Variants in PDK3 observed in about 807,000 individuals in gnomAD.
PDK3 encodes the protein pyruvate dehydrogenase kinase, isozyme 3.
In PDK3, 12 loss-of-function variants were observed where a neutral mutation model predicts 32.0. That is an observed-to-expected ratio of 0.37 (90% CI 0.24 to 0.61). PDK3 has a LOEUF of 0.61. Among genes scored for constraint, PDK3 ranks in the 20% least tolerant of loss-of-function variants. PDK3 has a pLI of 0.65. For missense variants in PDK3, 188 were observed against 316.9 expected, an observed-to-expected ratio of 0.59 and a Z score of 3.09; for synonymous variants, 122 against 116.3, an observed-to-expected ratio of 1.05 and a Z score of -0.31.
chrX:24,490,792 C>T (rs1162347547), intron 1 of PDK3, among the ~76,000 whole-genome samples: 5 of 111,446 alleles, frequency 4.5e-5, no homozygotes, highest in Non-Finnish European at 9.4e-5. Context: ...ACTATGGCCA[C>T]CTCACACCTG....
intron 5 of PDK3, among the ~76,000 whole-genome samples, chrX:24,506,587 T>C (rs916884463): frequency 9.0e-6 from 1 of 111,527 alleles, no homozygotes; most frequent in South Asian, 3.7e-4. Context: ...TAGAACCAAC[T>C]GTAGTGCTTG....
chrX:24,536,970 C>A (rs1331413167), downstream of PDK3, among the ~76,000 whole-genome samples: 1 of 111,381 alleles, frequency 9.0e-6, no homozygotes, highest in African/African-American at 3.3e-5. Flanking sequence ...CTATTTCCAG[C>A]TGGATCCTTA....
intron 1 of PDK3, among the ~76,000 whole-genome samples, chrX:24,481,413 T>G (rs1352374472): frequency 8.9e-6 from 1 of 112,085 alleles, no homozygotes; most frequent in Non-Finnish European, 1.9e-5. Context: ...TTTATATTAG[T>G]AGGCAAGGTT....
At chrX:24,466,431 GCAT>G (rs1602096791) in intron 1 of PDK3, among the ~76,000 whole-genome samples, 1 of 112,144 alleles carries the variant, frequency 8.9e-6, no homozygotes, top group African/African-American at 3.2e-5. Context: ...ATGGAACTCA[GCAT>G]CCCTGGAGGA....
intron 3 of PDK3, among the ~76,000 whole-genome samples, chrX:24,500,606 GTAGCTTGCCTAGGTTCATGTGGT>G: frequency 8.9e-6 from 1 of 112,392 alleles, no homozygotes; most frequent in Non-Finnish European, 1.9e-5. Flanking sequence ...CGTGAGTTTT[GTAGCTTGCCTAGGTTCATGTGGT>G]TAGTTATGAT....
At chrX:24,477,932 AT>A (rs1156789606) in intron 1 of PDK3, among the ~76,000 whole-genome samples, 2 of 112,261 alleles carry the variant, frequency 1.8e-5, no homozygotes, top group Admixed American at 9.5e-5. Flanking sequence ...TAAATATCAC[AT>A]TTTAACTTTG....
intron 1 of PDK3, among the ~76,000 whole-genome samples, chrX:24,478,684 A>G (rs374333945): frequency 4.5e-5 from 5 of 112,275 alleles, no homozygotes; most frequent in African/African-American, 1.6e-4. Flanking sequence ...GAATGGCAGA[A>G]AAATTGTAGT....
chrX:24,473,426 A>AATTTATTTATTTATTTATTT (rs200252366), intron 1 of PDK3, among the ~76,000 whole-genome samples: 15 of 105,158 alleles, frequency 1.4e-4, no homozygotes, highest in South Asian at 9.0e-4. Flanking sequence ...ACATTTGTTG[A>AATTTATTTATTTATTTATTT]ATTTATTTAT....
intron 1 of PDK3, among the ~76,000 whole-genome samples, chrX:24,476,530 C>G (rs1049825288): frequency 9.0e-5 from 10 of 111,432 alleles, no homozygotes; most frequent in Non-Finnish European, 1.7e-4. Context: ...CCCACAGATA[C>G]TGAGAGGCAG....
chrX:24,506,127 C>A (rs760728587), intron 5 of PDK3, among the ~76,000 whole-genome samples: 13 of 112,014 alleles, frequency 1.2e-4, no homozygotes, highest in Non-Finnish European at 2.3e-4. Flanking sequence ...AATTTGTTTA[C>A]CCTGGGCATT....
chrX:24,503,474 C>G lies in PDK3; in HGVS notation c.468C>G (p.Thr156=). ...NIQYFLDRFY[T]NRISFRMLIN... ...AATATTTTCTGGATCGGTTTTATACCAACCGCATCTCTTTCCGCATGCTTA... is the reference window on the plus strand; with the variant it reads ...AATATTTTCTGGATCGGTTTTATACGAACCGCATCTCTTTCCGCATGCTTA... The change falls in exon 4 of 11, where the codon ACC becomes ACG. Residue 156 remains threonine, a synonymous_variant. Coordinates refer to ENST00000379162, the MANE Select transcript of PDK3 (RefSeq NM_005391.5). 1 of 1,198,803 alleles carries G rather than the reference C, an allele frequency of 8.3e-7. No individual in the cohort carries two copies. Among genetic ancestry groups the G allele is most frequent in the Non-Finnish European group, 1.1e-6 (1 of 888,981 alleles).
At chrX:24,546,718 T>C (rs1050789092) in exon 12 of PDK3, 2 of 111,634 alleles carry the variant, frequency 1.8e-5, no homozygotes, top group Non-Finnish European at 3.8e-5. Flanking sequence ...TGGTCATCCC[T>C]GGGGGTAGAG....
intron 5 of PDK3, among the ~76,000 whole-genome samples, chrX:24,514,766 A>G (rs1201623118): frequency 9.0e-6 from 1 of 111,502 alleles, no homozygotes; most frequent in Non-Finnish European, 1.9e-5. Context: ...AATTAGCGTG[A>G]CTCAGACTTG....
chrX:24,491,874 G>A (rs972493422), intron 1 of PDK3, among the ~76,000 whole-genome samples: 6 of 111,180 alleles, frequency 5.4e-5, no homozygotes, highest in Non-Finnish European at 9.4e-5. Context: ...AGGTTGAGGT[G>A]GTAGTAAACC....
chrX:24,519,382 T>C (rs1439325897), intron 6 of PDK3, among the ~76,000 whole-genome samples: 1 of 104,076 alleles, frequency 9.6e-6, no homozygotes, highest in Non-Finnish European at 2.0e-5. Context: ...TTTTTTTTTT[T>C]TTTTTGAGAA....
downstream of PDK3, chrX:24,539,148 C>T (rs757331900): frequency 2.8e-5 from 31 of 1,125,438 alleles, no homozygotes; most frequent in South Asian, 4.7e-4. Context: ...AAGATCAAGA[C>T]TAATAGAACT....
chrX:24,475,042 G>T (rs779304998), intron 1 of PDK3, among the ~76,000 whole-genome samples: 2 of 111,929 alleles, frequency 1.8e-5, no homozygotes, highest in East Asian at 5.6e-4. Context: ...CTTGAAGCCT[G>T]ATCACCACTG....
chrX:24,506,218 C>T (rs1334333821), intron 5 of PDK3, among the ~76,000 whole-genome samples: 1 of 111,783 alleles, frequency 8.9e-6, no homozygotes, highest in Non-Finnish European at 1.9e-5. Context: ...TCTGTTGAGT[C>T]ACAACAGATT....
chrX:24,488,549 T>G (rs1261593150), intron 1 of PDK3, among the ~76,000 whole-genome samples: 1 of 110,557 alleles, frequency 9.0e-6, no homozygotes, highest in Non-Finnish European at 1.9e-5. Flanking sequence ...ATTAGCCGGG[T>G]GTGGTGGTGC....
Sources: gnomAD v4.1 joint callset for allele counts (sites outside exome capture counted in the v4.1 genomes callset) on GRCh38, gnomAD v4.1.1 for gene constraint, MANE v1.5 for transcripts, NCBI Gene and HGNC (gene_info 2026-07-23, HGNC 2026-07-21) for gene names.